CCDC171: variants seen among roughly 807,000 people sequenced by gnomAD.
CCDC171 encodes the protein coiled-coil domain containing 171, also known as coiled-coil domain-containing protein 171.
Under a neutral mutation model 168.2 loss-of-function variants are expected in CCDC171, and 177 were observed. The observed-to-expected ratio is 1.05, with a 90% CI of 0.93 to 1.19. The LOEUF is 1.19. Among genes scored for constraint, CCDC171 ranks in the 50% most tolerant of loss-of-function variants. The pLI is 0.00. For synonymous variants in CCDC171, 687 were observed against 540.8 expected, an observed-to-expected ratio of 1.27 and a Z score of -3.75; for missense variants, 1,991 against 1,539.0, an observed-to-expected ratio of 1.29 and a Z score of -4.91.
At chr9:15,826,142 A>G (rs1253752661) in intron 21 of CCDC171, among the ~76,000 whole-genome samples, 1 of 152,022 alleles carries the variant, frequency 6.6e-6, no homozygotes, top group Non-Finnish European at 1.5e-5. Flanking sequence ...TTTAATTTCT[A>G]AGAATTGCTT....
intron 21 of CCDC171, among the ~76,000 whole-genome samples, chr9:15,810,571 C>T (rs746975923): frequency 8.5e-5 from 13 of 152,242 alleles, no homozygotes; most frequent in African/African-American, 2.2e-4. Context: ...TGAGGCCCGG[C>T]GACAATTTGA....
At chr9:15,555,437 G>A (rs922746202) in intron 1 of CCDC171, among the ~76,000 whole-genome samples, 1 of 152,098 alleles carries the variant, frequency 6.6e-6, no homozygotes, top group African/African-American at 2.4e-5. Flanking sequence ...TGTTGAGAAG[G>A]CCATGGCTTG....
intron 10 of CCDC171, among the ~76,000 whole-genome samples, chr9:15,692,331 C>T (rs1347716371): frequency 6.6e-6 from 1 of 150,912 alleles, no homozygotes; most frequent in Admixed American, 6.6e-5. Context: ...CGAGATTGTT[C>T]TACAACCTGG....
At chr9:15,927,083 G>T (rs957851801) in intron 25 of CCDC171, among the ~76,000 whole-genome samples, 3 of 151,656 alleles carry the variant, frequency 2.0e-5, no homozygotes, top group African/African-American at 7.3e-5. Context: ...TGCATATAAA[G>T]AGATTGATCA....
intron 1 of CCDC171, among the ~76,000 whole-genome samples, chr9:16,051,410 T>C (rs1053473903): frequency 1.3e-5 from 2 of 152,208 alleles, no homozygotes; most frequent in African/African-American, 4.8e-5. Flanking sequence ...TCTCCCTGAC[T>C]GCTGCCCTCA....
chr9:16,035,039 C>T (rs776886531), intron 6 of CCDC171, among the ~76,000 whole-genome samples: 1 of 152,110 alleles, frequency 6.6e-6, no homozygotes, highest in African/African-American at 2.4e-5. Context: ...TTGACGTCTC[C>T]GTTAGTAGGG....
chr9:15,653,440 C>A (rs552669480), intron 7 of CCDC171, among the ~76,000 whole-genome samples: 2 of 152,164 alleles, frequency 1.3e-5, no homozygotes, highest in East Asian at 3.9e-4. Flanking sequence ...CTGTGCCTGG[C>A]CTAATTTTGT....
At chr9:15,601,722 G>T (rs2042869857) in intron 6 of CCDC171, among the ~76,000 whole-genome samples, 1 of 152,170 alleles carries the variant, frequency 6.6e-6, no homozygotes. Context: ...GGAGACTAAG[G>T]AAGACTTTGC....
intron 10 of CCDC171, among the ~76,000 whole-genome samples, chr9:15,688,118 C>CAAAAAAAAA (rs33945014): frequency 2.1e-5 from 2 of 94,900 alleles, no homozygotes; most frequent in African/African-American, 3.9e-5. Flanking sequence ...GACTCCATCT[C>CAAAAAAAAA]AAAAAAAAAA....
rs1368954320 is a variant in CCDC171 at position 15,745,557 on chromosome 9, G to A, written c.2597G>A (p.Trp866Ter). The stretch of plus-strand genomic sequence containing the variant: ...TTGCGTTGTTTACAAGCGCTCAGTT[G>A]GCTCACCAGTTCTGACCTTCTTGCT... The part of the protein sequence containing the change: ...EQLRCLQALS[W>*]LTSSDLLAAI... Residue 866 changes from tryptophan to a stop codon, truncating the protein, a stop_gained, in exon 18 of 26, where the codon TGG (tryptophan) becomes TAG (stop). Coordinates refer to ENST00000380701, the MANE Select transcript of CCDC171 (RefSeq NM_173550.4). LOFTEE classifies it high-confidence loss of function. 1 of 1,589,190 alleles carries A rather than the reference G, an allele frequency of 6.3e-7. No homozygotes were observed. Among genetic ancestry groups the A allele is most frequent in the Non-Finnish European group, 8.5e-7 (1 of 1,170,032 alleles).
At chr9:16,073,435 C>T in the CCDC171 span, among the ~76,000 whole-genome samples, 65 of 152,264 alleles carry the variant, frequency 4.3e-4, no homozygotes, top group African/African-American at 1.5e-3. Context: ...GTTCTTGTTA[C>T]GTGGATGTAA....
chr9:15,838,881 G>A (rs1023297287), intron 21 of CCDC171, among the ~76,000 whole-genome samples: 6 of 152,110 alleles, frequency 3.9e-5, no homozygotes, highest in Admixed American at 3.9e-4. Flanking sequence ...GTTGTGATAG[G>A]GTGGGTTGCT....
chr9:15,991,113 C>G (rs1832181314), intron 3 of CCDC171, among the ~76,000 whole-genome samples: 2 of 152,202 alleles, frequency 1.3e-5, no homozygotes, highest in Non-Finnish European at 2.9e-5. Context: ...CCCAAATCAA[C>G]AGAATATACA....
At chr9:15,672,707 T>C (rs2049212576) in intron 9 of CCDC171, among the ~76,000 whole-genome samples, 2 of 152,234 alleles carry the variant, frequency 1.3e-5, no homozygotes, top group Admixed American at 1.3e-4. Context: ...TCCATTGGTC[T>C]ATATATCTGT....
intron 11 of CCDC171, among the ~76,000 whole-genome samples, chr9:15,706,429 C>T (rs989175845): frequency 1.3e-5 from 2 of 152,110 alleles, no homozygotes; most frequent in African/African-American, 2.4e-5. Flanking sequence ...GCTGGGACTA[C>T]AGCACATGCC....
chr9:15,663,984 C>T (rs1377166938), intron 8 of CCDC171, among the ~76,000 whole-genome samples: 1 of 152,020 alleles, frequency 6.6e-6, no homozygotes, highest in African/African-American at 2.4e-5. Flanking sequence ...GAACTGGAGG[C>T]CATTATCTTA....
intron 3 of CCDC171, among the ~76,000 whole-genome samples, chr9:16,007,979 C>A (rs983905997): frequency 6.6e-6 from 1 of 152,120 alleles, no homozygotes. Context: ...ATTCTGGATA[C>A]AAGACCCTTA....
chr9:15,873,475 TG>T (rs1430897948), intron 23 of CCDC171, among the ~76,000 whole-genome samples: 2 of 152,114 alleles, frequency 1.3e-5, no homozygotes, highest in Non-Finnish European at 2.9e-5. Flanking sequence ...AAAAACTTTT[TG>T]TTCTGTGGCA....
At chr9:15,944,583 A>T (rs997439618) in intron 25 of CCDC171, among the ~76,000 whole-genome samples, 5 of 152,002 alleles carry the variant, frequency 3.3e-5, no homozygotes, top group African/African-American at 1.2e-4. Flanking sequence ...TTACGTATTG[A>T]AGCAAATATT....
Sources: gnomAD v4.1 joint callset for allele counts (sites outside exome capture counted in the v4.1 genomes callset) on GRCh38, gnomAD v4.1.1 for gene constraint, MANE v1.5 for transcripts, NCBI Gene and HGNC (gene_info 2026-07-23, HGNC 2026-07-21) for gene names.